The following DDX1 variants were observed in gnomAD, a reference collection of about 807,000 sequenced individuals.
DDX1 encodes DEAD-box helicase 1.
In DDX1, 28 loss-of-function variants were observed where a neutral mutation model predicts 108.7. The ratio of observed to expected loss-of-function variants is 0.26; its 90% CI spans 0.19 to 0.35. The LOEUF is 0.35. Ranked by LOEUF, DDX1 falls within the 10% of genes least tolerant of loss-of-function variation. The pLI, the probability that DDX1 is intolerant of heterozygous loss-of-function variation, is 1.00. For synonymous variants in DDX1, 295 were observed against 288.9 expected, an observed-to-expected ratio of 1.02 and a Z score of -0.21; for missense variants, 710 against 884.5, an observed-to-expected ratio of 0.80 and a Z score of 2.50.
intron 14 of DDX1, among the ~76,000 whole-genome samples, chr2:15,615,593 T>G (rs1393165424): frequency 1.3e-5 from 2 of 152,238 alleles, no homozygotes; most frequent in African/African-American, 4.8e-5. Context: ...TTCAGAAATG[T>G]CTGCTTTATT....
chr2:15,606,358 C>A, intron 12 of DDX1, 94 bp downstream of exon 12: 1 of 806,930 alleles, frequency 1.2e-6, no homozygotes, highest in Non-Finnish European at 2.0e-6. Flanking sequence ...GTTACATATA[C>A]TTTCCTTGCT....
chr2:15,624,728 CTCAA>C (rs1202793033), intron 19 of DDX1, among the ~76,000 whole-genome samples: 18 of 152,120 alleles, frequency 1.2e-4, no homozygotes, highest in African/African-American at 3.9e-4. Context: ...TGGAAAAATT[CTCAA>C]TCAGTTGTTA....
chr2:15,599,200 T>A (rs1308946646), intron 5 of DDX1: 1 of 152,156 alleles, frequency 6.6e-6, no homozygotes. Context: ...AAACAAGTTT[T>A]ACTTGTGTAT....
At chr2:15,601,840 A>T (rs998795209) in intron 6 of DDX1, among the ~76,000 whole-genome samples, 6 of 152,248 alleles carry the variant, frequency 3.9e-5, no homozygotes, top group African/African-American at 1.4e-4. Context: ...ACCAGGACAG[A>T]AATTATAGTT....
At chr2:15,598,391 TAAAAG>T in intron 5 of DDX1, among the ~76,000 whole-genome samples, 1 of 152,196 alleles carries the variant, frequency 6.6e-6, no homozygotes, top group East Asian at 1.9e-4. Flanking sequence ...GAAATGGTGG[TAAAAG>T]AAAACACTCC....
intron 15 of DDX1, among the ~76,000 whole-genome samples, chr2:15,617,729 T>A (rs1338265366): frequency 1.3e-5 from 2 of 152,234 alleles, no homozygotes; most frequent in Non-Finnish European, 2.9e-5. Flanking sequence ...TTCTACATAC[T>A]ATAAATTTGT....
At chr2:15,625,797 G>A (rs1165004663) in intron 19 of DDX1, among the ~76,000 whole-genome samples, 1 of 151,928 alleles carries the variant, frequency 6.6e-6, no homozygotes, top group Non-Finnish European at 1.5e-5. Context: ...TGTACGTCAA[G>A]GAAATAGAAA....
intron 8 of DDX1, 141 bp downstream of exon 8, chr2:15,603,416 C>A (rs187055106): frequency 9.9e-5 from 64 of 648,482 alleles, no homozygotes; most frequent in Non-Finnish European, 4.6e-5. Context: ...CTGTACCCCA[C>A]CCTGTTCCAA....
At chr2:15,608,657 T>C (rs1325780754) in intron 13 of DDX1, among the ~76,000 whole-genome samples, 1 of 142,314 alleles carries the variant, frequency 7.0e-6, no homozygotes, top group African/African-American at 2.7e-5. Context: ...CTGTGTTTTT[T>C]TTTAGGTTTT....
intron 16 of DDX1, among the ~76,000 whole-genome samples, chr2:15,619,154 C>G (rs1477894225): frequency 6.6e-6 from 1 of 152,192 alleles, no homozygotes; most frequent in Admixed American, 6.5e-5. Context: ...TCCTCTCTCT[C>G]TGCCCCTCTG....
In DDX1 at chr2:15,626,990, C is replaced by CT. The variant is rs994343780; in HGVS notation, c.1595-58dup. 4.7e-6 allele frequency: 5 copies of CT among 1,060,602 alleles called. No homozygotes were observed. In the African/African-American group the frequency reaches 6.4e-5, roughly 14 times the overall value. The allele number at this position is 1,060,602 out of a possible 1,614,324, so 65.7% of individuals were successfully genotyped here. ...ACTATTGTAGTCTGAATTTTATTGG[C>CT]TTTTTTACATAGTCTTAGGCAGAAG... On this transcript the variant is annotated intron_variant, in intron 19 of 25. Transcript: ENST00000233084.
rs1055601105 is a variant in DDX1 at position 15,597,675 on chromosome 2, A to G, written c.259+204A>G. Among the ~76,000 whole-genome samples, 11 of 152,162 alleles carry G rather than the reference A, an allele frequency of 7.2e-5. 1 individual carries two copies. The South Asian group carries it at 1.0e-3, about 14-fold the overall frequency. Reference sequence around the variant, plus strand: ...CAAGGTTGTCCCTCCTAAAATACTAATAGTGTTCCCTTTGAGAAAACACTA... The same window carrying G: ...CAAGGTTGTCCCTCCTAAAATACTAGTAGTGTTCCCTTTGAGAAAACACTA... On this transcript the variant is annotated intron_variant, in intron 5 of 25. Coordinates refer to ENST00000233084, the MANE Select transcript of DDX1 (RefSeq NM_004939.3).
chr2:15,623,449 A>G lies in DDX1; in HGVS notation c.1461A>G (p.Glu487=), dbSNP rs902360709. 1.9e-6 allele frequency: 3 copies of G among 1,613,502 alleles called. No individual in the cohort carries two copies. Among genetic ancestry groups the G allele is most frequent in the Non-Finnish European group, 2.5e-6 (3 of 1,179,664 alleles). Residue 487 remains glutamate, a synonymous_variant, in exon 19 of 26, where the codon GAA becomes GAG. Coordinates refer to ENST00000233084, the MANE Select transcript of DDX1 (RefSeq NM_004939.3). ...ATGATATTCAAGAGATGTGGTCTGA[A>G]GCTATTAAAATCCTGAAAGGGGAGT... The part of the protein sequence containing the change: ...PGANSPEMWS[E]AIKILKGEYA...
intron 13 of DDX1, among the ~76,000 whole-genome samples, chr2:15,610,594 T>C (rs573255344): frequency 6.6e-6 from 1 of 152,362 alleles, no homozygotes; most frequent in South Asian, 2.1e-4. Context: ...CAATTTCTAG[T>C]TATCCTTTCT....
intron 17 of DDX1, 81 bp from the exon 18 acceptor site, chr2:15,620,984 C>T: frequency 1.2e-6 from 1 of 855,000 alleles, no homozygotes. Flanking sequence ...AAATATAAAT[C>T]TCCCTTTTAA....
chr2:15,628,912 G>T, intron 23 of DDX1, 73 bp downstream of exon 23: 1 of 1,425,366 alleles, frequency 7.0e-7, no homozygotes, highest in Non-Finnish European at 9.9e-7. Flanking sequence ...AAAGCAGTTT[G>T]ATTTTCCCAT....
At chr2:15,615,788 A>G (rs913419396) in intron 14 of DDX1, among the ~76,000 whole-genome samples, 2 of 152,226 alleles carry the variant, frequency 1.3e-5, no homozygotes, top group Non-Finnish European at 2.9e-5. Context: ...CTGCCAATTA[A>G]GGAGTAGAGG....
intron 13 of DDX1, among the ~76,000 whole-genome samples, chr2:15,612,934 T>G (rs1665802542): frequency 6.7e-6 from 1 of 149,874 alleles, no homozygotes; most frequent in African/African-American, 2.5e-5. Context: ...GCTGGGAGGT[T>G]GCAGTGAGCC....
rs183008740 is a variant in DDX1, at chr2:15,597,807, A to G, written c.259+336A>G. ...GTACATTTTACAAAAATATTAAGGAAGGATTTTACAAATAATTTATGGAGT... is the reference window on the plus strand; with the variant it reads ...GTACATTTTACAAAAATATTAAGGAGGGATTTTACAAATAATTTATGGAGT... On this transcript the variant is annotated intron_variant, in intron 5 of 25. Coordinates refer to ENST00000233084, the MANE Select transcript of DDX1 (RefSeq NM_004939.3). Among the ~76,000 whole-genome samples the G allele has an allele frequency of 4.6e-5, 7 of 152,336 alleles. No individual in the cohort carries two copies. In the East Asian group the frequency reaches 1.3e-3, roughly 29 times the overall value.
Sources: allele counts gnomAD v4.1 joint callset (sites outside exome capture counted in the v4.1 genomes callset), GRCh38; gene constraint gnomAD v4.1.1; transcripts MANE v1.5; gene names NCBI Gene and HGNC (gene_info 2026-07-23, HGNC 2026-07-21).